Variants in EZH2 observed in about 807,000 individuals in gnomAD.
The protein encoded by EZH2 is enhancer of zeste 2 polycomb repressive complex 2 subunit.
A neutral mutation model predicts 98.4 loss-of-function variants in EZH2; 18 were observed. The observed-to-expected ratio is 0.18, with a 90% CI of 0.13 to 0.27. EZH2 has a LOEUF of 0.27. Among genes scored for constraint, EZH2 ranks in the 10% least tolerant of loss-of-function variants. The pLI is 1.00. For synonymous variants in EZH2, 338 were observed against 312.3 expected, an observed-to-expected ratio of 1.08 and a Z score of -0.87; for missense variants, 470 against 935.1, an observed-to-expected ratio of 0.50 and a Z score of 6.49.
intron 1 of EZH2, among the ~76,000 whole-genome samples, chr7:148,878,762 G>T (rs939439526): frequency 1.3e-5 from 2 of 151,940 alleles, no homozygotes; most frequent in African/African-American, 4.8e-5. Flanking sequence ...AGCCAGGCGT[G>T]GTGGCATGCA....
chr7:148,814,296 C>T (rs890894945), intron 14 of EZH2, among the ~76,000 whole-genome samples, 159 bp from the exon 15 acceptor site: 2 of 152,022 alleles, frequency 1.3e-5, no homozygotes, highest in Admixed American at 6.5e-5. Context: ...GTATTAACAG[C>T]GAAGTTATAG....
intron 10 of EZH2, 90 bp downstream of exon 10, chr7:148,817,787 A>G (rs1804967560): frequency 1.3e-6 from 2 of 1,547,786 alleles, no homozygotes; most frequent in African/African-American, 2.7e-5. Context: ...CTAACCAACT[A>G]AGAAAATTAT....
intron 17 of EZH2, 84 bp from the exon 18 acceptor site, chr7:148,809,474 G>A: frequency 9.4e-7 from 1 of 1,062,832 alleles, no homozygotes; most frequent in Non-Finnish European, 1.4e-6. Flanking sequence ...AAATGCAACT[G>A]GTTACAGTTC....
intron 3 of EZH2, among the ~76,000 whole-genome samples, chr7:148,839,613 C>T (rs889733974): frequency 9.9e-5 from 15 of 151,480 alleles, no homozygotes. Flanking sequence ...CTTGTGATCT[C>T]GGCTCACTGA....
chr7:148,854,184 G>A (rs890899288), intron 1 of EZH2, among the ~76,000 whole-genome samples: 1 of 152,172 alleles, frequency 6.6e-6, no homozygotes, highest in Non-Finnish European at 1.5e-5. Flanking sequence ...GGTGGCTCAC[G>A]CCAATAATCC....
intron 1 of EZH2, among the ~76,000 whole-genome samples, chr7:148,851,460 G>A (rs1393442758): frequency 2.0e-5 from 3 of 152,132 alleles, no homozygotes; most frequent in African/African-American, 7.2e-5. Context: ...GCCTTTAGAT[G>A]TTAGCTCCCC....
intron 3 of EZH2, among the ~76,000 whole-genome samples, chr7:148,846,208 GCTT>G (rs563494886): frequency 4.6e-5 from 7 of 151,906 alleles, no homozygotes; most frequent in African/African-American, 1.7e-4. Context: ...TGATTTAAAA[GCTT>G]TTTTTTTTAA....
intron 1 of EZH2, among the ~76,000 whole-genome samples, chr7:148,870,013 G>A (rs962559440): frequency 2.0e-5 from 3 of 152,048 alleles, no homozygotes; most frequent in African/African-American, 2.4e-5. Flanking sequence ...TTGAGCCCAC[G>A]AGTTTGAGAC....
intron 3 of EZH2, 151 bp downstream of exon 3, chr7:148,846,319 G>A: frequency 1.4e-6 from 1 of 723,230 alleles, no homozygotes; most frequent in Non-Finnish European, 2.2e-6. Flanking sequence ...GTGATCTACA[G>A]CAGTCATTAA....
chr7:148,871,403 T>TAAAAAAAAAAAAAAAA (rs71529646), intron 1 of EZH2, among the ~76,000 whole-genome samples: 5 of 88,750 alleles, frequency 5.6e-5, no homozygotes, highest in Non-Finnish European at 8.7e-5. Flanking sequence ...GACGAATAAT[T>TAAAAAAAAAAAAAAAA]AAAAAAAAAA....
intron 1 of EZH2, among the ~76,000 whole-genome samples, chr7:148,857,559 T>C (rs1436915804): frequency 2.0e-5 from 3 of 152,064 alleles, no homozygotes; most frequent in Non-Finnish European, 4.4e-5. Context: ...AAGAGCAGCC[T>C]GGCCAATATG....
Position 148,810,355 on chromosome 7 carries a change from G to A in EZH2, c.2007C>T (p.Ser669=). Residue 669 remains serine, a synonymous_variant, in exon 17 of 20, where the codon AGC becomes AGT. Coordinates refer to ENST00000320356, the MANE Select transcript of EZH2 (RefSeq NM_004456.5). Reference sequence around the variant, plus strand: ...TACCATTGTTCAAGTTGAACAGAAAGCTGCACATGTATTTATCATACACTT... The same window carrying A: ...TACCATTGTTCAAGTTGAACAGAAAACTGCACATGTATTTATCATACACTT... ...RGKVYDKYMC[S]FLFNLNNDFV... is the part of the protein sequence containing the mutation. 1 of 1,610,076 alleles carries A rather than the reference G, an allele frequency of 6.2e-7. No individual in the cohort carries two copies. The highest frequency in any genetic ancestry group is 8.5e-7 in the Non-Finnish European group (1 of 1,176,670).
At chr7:148,812,558 C>T (rs1270046730) in intron 15 of EZH2, among the ~76,000 whole-genome samples, 1 of 152,128 alleles carries the variant, frequency 6.6e-6, no homozygotes, top group Non-Finnish European at 1.5e-5. Flanking sequence ...TACTGCTATG[C>T]AAATGAAACC....
intron 3 of EZH2, among the ~76,000 whole-genome samples, chr7:148,841,484 T>C (rs1382753275): frequency 6.6e-6 from 1 of 152,176 alleles, no homozygotes; most frequent in Non-Finnish European, 1.5e-5. Context: ...GTGTATATGT[T>C]CAGACTAAGA....
chr7:148,879,931 C>A (rs1261235052), intron 1 of EZH2, among the ~76,000 whole-genome samples: 2 of 152,028 alleles, frequency 1.3e-5, no homozygotes, highest in Non-Finnish European at 2.9e-5. Context: ...AAAGCAGGAT[C>A]CCATCTCTAC....
At chr7:148,838,645 CAG>C (rs1811532303) in intron 3 of EZH2, among the ~76,000 whole-genome samples, 1 of 152,108 alleles carries the variant, frequency 6.6e-6, no homozygotes. Context: ...TAAAATGGAA[CAG>C]AGAGTATTAT....
chr7:148,865,114 G>A (rs867224842), intron 1 of EZH2, among the ~76,000 whole-genome samples: 127 of 141,612 alleles, frequency 9.0e-4, no homozygotes, highest in African/African-American at 3.1e-3. Context: ...GTGACAGAGC[G>A]AGACTTGTCT....
chr7:148,828,342 T>C (rs1023595801), intron 6 of EZH2, among the ~76,000 whole-genome samples: 2 of 152,220 alleles, frequency 1.3e-5, no homozygotes. Context: ...TTATGCTTTT[T>C]TTTTTCTTTT....
rs542209780 is a variant in EZH2, at chr7:148,820,522, A to C, written c.908-835T>G. Among the ~76,000 whole-genome samples, 9 of 152,062 alleles carry C rather than the reference A, an allele frequency of 5.9e-5. No individual in the cohort carries two copies. In the South Asian group the frequency reaches 8.3e-4, roughly 14 times the overall value. Reference sequence around the variant, plus strand: ...AATCATCTTTTAAATATTTGTAAAAAGCCATATTTAAAGACTGAGAAAAGG... The same window carrying C: ...AATCATCTTTTAAATATTTGTAAAACGCCATATTTAAAGACTGAGAAAAGG... On this transcript the variant is annotated intron_variant, in intron 8 of 19. Coordinates refer to ENST00000320356, the MANE Select transcript of EZH2 (RefSeq NM_004456.5).
Sources: gnomAD v4.1 joint callset for allele counts (sites outside exome capture counted in the v4.1 genomes callset) on GRCh38, gnomAD v4.1.1 for gene constraint, MANE v1.5 for transcripts, NCBI Gene and HGNC (gene_info 2026-07-23, HGNC 2026-07-21) for gene names.